The following GAB2 variants were observed in gnomAD, a reference collection of about 807,000 sequenced individuals.
The protein encoded by GAB2 is GRB2 associated binding protein 2.
A neutral mutation model predicts 65.5 loss-of-function variants in GAB2; 26 were observed. The observed-to-expected ratio is 0.40, with a 90% CI of 0.29 to 0.55. The LOEUF (loss-of-function observed/expected upper bound fraction) is 0.55, where lower values mean the gene tolerates loss of function less well. Ranked by LOEUF, GAB2 falls within the 20% of genes least tolerant of loss-of-function variation. GAB2 has a pLI of 0.53. For synonymous variants in GAB2, 321 were observed against 329.6 expected, an observed-to-expected ratio of 0.97 and a Z score of 0.28; for missense variants, 884 against 875.8, an observed-to-expected ratio of 1.01 and a Z score of -0.12.
At chr11:78,258,794 T>A (rs1865661599) in intron 2 of GAB2, among the ~76,000 whole-genome samples, 1 of 152,124 alleles carries the variant, frequency 6.6e-6, no homozygotes, top group African/African-American at 2.4e-5. Flanking sequence ...GCACATACAA[T>A]ATATGAATCA....
chr11:78,233,675 T>A (rs1864909131), intron 3 of GAB2, among the ~76,000 whole-genome samples: 1 of 152,012 alleles, frequency 6.6e-6, no homozygotes, highest in Admixed American at 6.5e-5. Context: ...GGTGCCATCT[T>A]GGCTCACTGC....
intron 1 of GAB2, among the ~76,000 whole-genome samples, chr11:78,409,411 C>G (rs1204822504): frequency 6.6e-6 from 1 of 152,046 alleles, no homozygotes; most frequent in African/African-American, 2.4e-5. Flanking sequence ...ATGGAGAAAC[C>G]CTGTCTCTAT....
chr11:78,261,949 T>C lies in GAB2; in HGVS notation c.377-11549A>G, dbSNP rs2134546921. Among the ~76,000 whole-genome samples, 3 of 152,338 alleles carry C rather than the reference T, an allele frequency of 2.0e-5. No homozygotes were observed. In the South Asian group the frequency reaches 6.2e-4, roughly 32 times the overall value. ...AAATATCCAAAATACATCACTGTAT[T>C]TTGAAGCTAACCAACTTTATAAGAG... On this transcript the variant is annotated intron_variant, in intron 2 of 9. Transcript: ENST00000361507.
intron 3 of GAB2, among the ~76,000 whole-genome samples, chr11:78,238,807 T>G (rs1447789341): frequency 6.6e-6 from 1 of 152,192 alleles, no homozygotes; most frequent in Non-Finnish European, 1.5e-5. Flanking sequence ...TTAAAATATC[T>G]GTGTTTCAAA....
rs1554975133 is a variant in GAB2 at position 78,231,336 on chromosome 11, G to GTGGTGTGTGT, written c.621-4286_621-4285insACACACACCA. 2.7e-3 allele frequency among the ~76,000 whole-genome samples: 387 copies of GTGGTGTGTGT among 145,892 alleles called. 3 individuals carry two copies. The highest frequency in any genetic ancestry group is 9.1e-3 in the African/African-American group (353 of 38,676). On this transcript the variant is annotated intron_variant, in intron 3 of 9. Coordinates refer to ENST00000361507, the MANE Select transcript of GAB2 (RefSeq NM_080491.3). The stretch of plus-strand genomic sequence containing the variant: ...CCTTGGTGCGCGCGCGCGCGTGTGT[G>GTGGTGTGTGT]GTGTGTGTGTGTGTGTGTGTGTGTG...
intron 1 of GAB2, among the ~76,000 whole-genome samples, chr11:78,303,959 A>G (rs1005280536): frequency 4.6e-5 from 7 of 152,192 alleles, no homozygotes; most frequent in Admixed American, 3.9e-4. Flanking sequence ...CACTGAATTA[A>G]GCAAAGATTT....
At chr11:78,413,572 C>T (rs765521148) in intron 1 of GAB2, among the ~76,000 whole-genome samples, 10 of 151,956 alleles carry the variant, frequency 6.6e-5, no homozygotes, top group East Asian at 1.9e-4. Context: ...CCACTGGAGC[C>T]GACTGAGAAG....
At chr11:78,343,910 A>T (rs375565977) in intron 1 of GAB2, among the ~76,000 whole-genome samples, 3 of 152,318 alleles carry the variant, frequency 2.0e-5, no homozygotes, top group African/African-American at 4.8e-5. Flanking sequence ...AATAAGCCAG[A>T]TTTCAAGTAC....
intron 1 of GAB2, among the ~76,000 whole-genome samples, chr11:78,288,382 G>A (rs201583069): frequency 0.014 from 1,667 of 119,368 alleles, no homozygotes; most frequent in Non-Finnish European, 0.016. Context: ...CCATCTCAAA[G>A]AAAAAAAAAA....
chr11:78,307,089 A>G (rs775175883), intron 1 of GAB2, among the ~76,000 whole-genome samples: 2 of 152,232 alleles, frequency 1.3e-5, no homozygotes, highest in Non-Finnish European at 2.9e-5. Context: ...CAATAAAACC[A>G]AGCATTCTAA....
chr11:78,380,610 C>T (rs1180115968), intron 1 of GAB2, among the ~76,000 whole-genome samples: 2 of 152,184 alleles, frequency 1.3e-5, no homozygotes, highest in Non-Finnish European at 2.9e-5. Flanking sequence ...TCTACATTTT[C>T]CACTCTTGTC....
At chr11:78,266,208 C>A (rs1865868697) in intron 2 of GAB2, among the ~76,000 whole-genome samples, 1 of 69,922 alleles carries the variant, frequency 1.4e-5, no homozygotes, top group African/African-American at 5.2e-5. Flanking sequence ...GAGCGAGACT[C>A]CATCTCAAAA....
At chr11:78,223,297 A>T in intron 6 of GAB2, 115 bp downstream of exon 6, 1 of 790,256 alleles carries the variant, frequency 1.3e-6, no homozygotes. Context: ...CTCAGATTTT[A>T]CATGATTTGC....
chr11:78,281,360 C>G (rs1339229849), intron 1 of GAB2, among the ~76,000 whole-genome samples: 2 of 152,092 alleles, frequency 1.3e-5, no homozygotes, highest in African/African-American at 4.8e-5. Context: ...ATTCTCCTGC[C>G]TCAGCCTCCT....
chr11:78,241,790 GA>G (rs1156905254), intron 3 of GAB2, among the ~76,000 whole-genome samples: 1 of 152,172 alleles, frequency 6.6e-6, no homozygotes, highest in Non-Finnish European at 1.5e-5. Context: ...AAAGAGTGAA[GA>G]AAACCTGCAA....
chr11:78,278,989 A>AC (rs1400903767), intron 2 of GAB2, among the ~76,000 whole-genome samples: 1 of 141,138 alleles, frequency 7.1e-6, no homozygotes, highest in Admixed American at 7.2e-5. Context: ...TCCCTCTACC[A>AC]CTTTTTTTTA....
chr11:78,352,769 G>A (rs1358511179), intron 1 of GAB2, among the ~76,000 whole-genome samples: 1 of 152,140 alleles, frequency 6.6e-6, no homozygotes, highest in Non-Finnish European at 1.5e-5. Context: ...GATTTTCCTG[G>A]TGACATGCTT....
At chr11:78,380,691 T>C (rs1486288284) in intron 1 of GAB2, among the ~76,000 whole-genome samples, 1 of 152,202 alleles carries the variant, frequency 6.6e-6, no homozygotes, top group Non-Finnish European at 1.5e-5. Flanking sequence ...ATTGGAACTT[T>C]AAATTATTCG....
At chr11:78,343,121 T>G (rs1233751303) in intron 1 of GAB2, among the ~76,000 whole-genome samples, 1 of 152,138 alleles carries the variant, frequency 6.6e-6, no homozygotes, top group Non-Finnish European at 1.5e-5. Flanking sequence ...GGAATCAACT[T>G]GTCAATATCT....
Sources: gnomAD v4.1 joint callset for allele counts (sites outside exome capture counted in the v4.1 genomes callset) on GRCh38, gnomAD v4.1.1 for gene constraint, MANE v1.5 for transcripts, NCBI Gene and HGNC (gene_info 2026-07-23, HGNC 2026-07-21) for gene names.